Variants in VRK2 observed in about 807,000 individuals in gnomAD.
VRK2 encodes serine/threonine-protein kinase VRK2.
A neutral mutation model predicts 57.6 loss-of-function variants in VRK2; 60 were observed. That is an observed-to-expected ratio of 1.04 (90% confidence interval 0.85 to 1.29). The LOEUF (loss-of-function observed/expected upper bound fraction) is 1.29, where lower values mean the gene tolerates loss of function less well. VRK2 is among the 50% of genes most tolerant of loss of function. The probability of loss-of-function intolerance (pLI) is 0.00; values close to 1 mark genes in which losing one functional copy is unlikely to be tolerated. For missense variants in VRK2, 705 were observed against 588.1 expected (o/e 1.20, Z -2.06); for synonymous variants, 231 against 199.2 (o/e 1.16, Z -1.35).
At chr2:58,101,940 G>A (rs1485726713) in intron 7 of VRK2, among the ~76,000 whole-genome samples, 2 of 151,610 alleles carry the variant, frequency 1.3e-5, no homozygotes, top group Non-Finnish European at 3.0e-5. Flanking sequence ...ATAGATTAAT[G>A]CATAAATGAA....
At chr2:58,118,957 A>G (rs1460964473) in intron 7 of VRK2, among the ~76,000 whole-genome samples, 1 of 152,172 alleles carries the variant, frequency 6.6e-6, no homozygotes, top group Non-Finnish European at 1.5e-5. Flanking sequence ...CACAGGGTTA[A>G]TCACTCAGTT....
chr2:58,047,970 C>T (rs1228868115), intron 1 of VRK2, among the ~76,000 whole-genome samples: 5 of 152,200 alleles, frequency 3.3e-5, no homozygotes, highest in Non-Finnish European at 7.3e-5. Flanking sequence ...GTTTTAAATA[C>T]TTAGAGGATC....
At position 57,922,988 on chromosome 2, in the gene VRK2, C is replaced by T. The variant is rs955637104; in HGVS notation, c.-439+15149C>T. On this transcript the variant is annotated intron_variant, in intron 1 of 15. Coordinates refer to the VRK2 transcript ENST00000417641. ...ATATGAGAAGTTTGTCTTTCTGTGC[C>T]TGGCCTATTTCACTTAACTTAATGT... is the stretch of plus-strand genomic sequence containing the variant. Among the ~76,000 whole-genome samples, 7 of 151,862 alleles carry T rather than the reference C, an allele frequency of 4.6e-5. No homozygotes were observed. In the South Asian group the frequency reaches 6.2e-4, roughly 13 times the overall value.
intron 7 of VRK2, among the ~76,000 whole-genome samples, chr2:58,092,456 A>G (rs1434952439): frequency 2.6e-5 from 4 of 152,222 alleles, no homozygotes; most frequent in Non-Finnish European, 5.9e-5. Flanking sequence ...GACAGTTATA[A>G]ATAAAGTTGC....
intron 3 of VRK2, among the ~76,000 whole-genome samples, chr2:58,038,628 T>C (rs1158443552): frequency 6.6e-6 from 1 of 152,154 alleles, no homozygotes; most frequent in Admixed American, 6.5e-5. Context: ...TTCCATAGTT[T>C]ACTGCCCCTA....
At chr2:58,113,654 G>T (rs1029290634) in intron 7 of VRK2, among the ~76,000 whole-genome samples, 30 of 152,132 alleles carry the variant, frequency 2.0e-4, no homozygotes, top group African/African-American at 4.1e-4. Flanking sequence ...CTCAGTGGGG[G>T]AGCTTCTGAG....
intron 1 of VRK2, among the ~76,000 whole-genome samples, chr2:57,909,419 C>T (rs1315490400): frequency 1.3e-5 from 2 of 151,852 alleles, no homozygotes; most frequent in Non-Finnish European, 2.9e-5. Context: ...ATGATTTACA[C>T]TTGTAAAGAA....
At chr2:58,113,439 C>T (rs1490633738) in intron 7 of VRK2, among the ~76,000 whole-genome samples, 4 of 152,074 alleles carry the variant, frequency 2.6e-5, no homozygotes, top group Non-Finnish European at 2.9e-5. Flanking sequence ...GACTTTCATG[C>T]GGGTCCGTGT....
chr2:58,128,839 G>C (rs1558672275), intron 8 of VRK2, among the ~76,000 whole-genome samples: 2 of 152,142 alleles, frequency 1.3e-5, no homozygotes, highest in South Asian at 4.1e-4. Flanking sequence ...AGAGTGCCAG[G>C]CATAGTAGCG....
At chr2:57,934,696 A>G (rs572132022) in intron 1 of VRK2, among the ~76,000 whole-genome samples, 1 of 152,278 alleles carries the variant, frequency 6.6e-6, no homozygotes, top group African/African-American at 2.4e-5. Flanking sequence ...GAAAATTTCA[A>G]TATTCAAACC....
chr2:57,920,301 A>G (rs2103904388), intron 1 of VRK2, among the ~76,000 whole-genome samples: 1 of 152,126 alleles, frequency 6.6e-6, no homozygotes, highest in South Asian at 2.1e-4. Context: ...TCATTTTTGG[A>G]CTTATTATTC....
chr2:58,044,224 C>T (rs1175014954), upstream of VRK2, among the ~76,000 whole-genome samples: 1 of 152,146 alleles, frequency 6.6e-6, no homozygotes, highest in African/African-American at 2.4e-5. Context: ...TTTTTCCCAT[C>T]TTTGTGGTCA....
intron 1 of VRK2, among the ~76,000 whole-genome samples, chr2:58,003,711 C>A (rs1673157265): frequency 6.6e-6 from 1 of 152,030 alleles, no homozygotes; most frequent in South Asian, 2.1e-4. Context: ...TTTCTACAAC[C>A]TTCTTTTCTT....
chr2:58,088,657 G>C (rs571305824), intron 6 of VRK2, among the ~76,000 whole-genome samples: 1 of 152,270 alleles, frequency 6.6e-6, no homozygotes, highest in South Asian at 2.1e-4. Flanking sequence ...AACTCAATTA[G>C]GCTTTGGTTC....
At chr2:58,131,686 A>G in intron 8 of VRK2, 122 bp from the exon 9 acceptor site, 1 of 1,229,806 alleles carries the variant, frequency 8.1e-7, no homozygotes, top group Non-Finnish European at 1.1e-6. Flanking sequence ...CAGCTGAACA[A>G]ATAAAACATT....
chr2:58,116,086 T>C (rs568643513), intron 7 of VRK2, among the ~76,000 whole-genome samples: 2 of 152,296 alleles, frequency 1.3e-5, no homozygotes, highest in South Asian at 4.1e-4. Context: ...GGAGAGTTTA[T>C]AGGTTTTAGA....
At chr2:58,044,044 A>C (rs1402215818), upstream of VRK2, among the ~76,000 whole-genome samples, 1 of 152,236 alleles carries the variant, frequency 6.6e-6, no homozygotes, top group African/African-American at 2.4e-5. Context: ...TTTGAGATTT[A>C]GATCTTGTAT....
intron 5 of VRK2, among the ~76,000 whole-genome samples, 179 bp downstream of exon 5, chr2:58,086,605 C>T (rs1671655577): frequency 6.6e-6 from 1 of 152,134 alleles, no homozygotes; most frequent in African/African-American, 2.4e-5. Flanking sequence ...GATTCTAGAT[C>T]AGGATCTCTA....
chr2:58,022,613 C>T (rs1156512179), intron 1 of VRK2, among the ~76,000 whole-genome samples: 4 of 152,222 alleles, frequency 2.6e-5, no homozygotes, highest in African/African-American at 4.8e-5. Context: ...CGATGGCTCA[C>T]GCCTGCAACC....
Sources: gnomAD v4.1 joint callset for allele counts (sites outside exome capture counted in the v4.1 genomes callset) on GRCh38, gnomAD v4.1.1 for gene constraint, MANE v1.5 for transcripts, NCBI Gene and HGNC (gene_info 2026-07-23, HGNC 2026-07-21) for gene names.